EIF5B: variants seen among roughly 807,000 people sequenced by gnomAD.
EIF5B encodes the protein eukaryotic translation initiation factor 5B.
Under a neutral mutation model 147.5 loss-of-function variants are expected in EIF5B, and 47 were observed. The observed-to-expected ratio is 0.32, with a 90% confidence interval of 0.25 to 0.41. The LOEUF (loss-of-function observed/expected upper bound fraction) is 0.41, where lower values mean the gene tolerates loss of function less well. Ranked by LOEUF, EIF5B falls within the 10% of genes least tolerant of loss-of-function variation. The pLI, the probability that EIF5B is intolerant of heterozygous loss-of-function variation, is 1.00. For missense variants in EIF5B, 1,064 were observed against 1,413.2 expected (o/e 0.75, Z 3.96); for synonymous variants, 455 against 456.2 (o/e 1.00, Z 0.03).
intron 21 of EIF5B, among the ~76,000 whole-genome samples, chr2:99,396,522 AGAG>A (rs1348877616): frequency 3.9e-5 from 6 of 152,208 alleles, no homozygotes; most frequent in African/African-American, 1.4e-4. Flanking sequence ...GGGCTTTAAA[AGAG>A]AAGAAAGCAA....
At chr2:99,344,430 T>C (rs2094268055) in intron 1 of EIF5B, among the ~76,000 whole-genome samples, 1 of 141,844 alleles carries the variant, frequency 7.1e-6, no homozygotes, top group Non-Finnish European at 1.6e-5. Context: ...TTGTTGTTGT[T>C]GTTGTTTCTG....
At chr2:99,351,518 A>G (rs1054263159) in intron 1 of EIF5B, among the ~76,000 whole-genome samples, 7 of 152,182 alleles carry the variant, frequency 4.6e-5, no homozygotes, top group Admixed American at 3.9e-4. Flanking sequence ...TGGTAAGTGT[A>G]TATTTAACAA....
intron 1 of EIF5B, among the ~76,000 whole-genome samples, chr2:99,351,270 G>A (rs763118092): frequency 1.2e-4 from 19 of 152,206 alleles, no homozygotes; most frequent in Non-Finnish European, 2.5e-4. Context: ...CTATGTTAGT[G>A]CTTGTAGCAT....
chr2:99,354,307 G>C (rs1017301586), intron 1 of EIF5B, among the ~76,000 whole-genome samples: 6 of 152,182 alleles, frequency 3.9e-5, no homozygotes, highest in Non-Finnish European at 7.3e-5. Context: ...CTAATGATGT[G>C]AACATTTATT....
intron 1 of EIF5B, among the ~76,000 whole-genome samples, chr2:99,346,089 A>T (rs997863021): frequency 6.6e-6 from 1 of 152,154 alleles, no homozygotes; most frequent in Admixed American, 6.6e-5. Flanking sequence ...GTATGAGAGT[A>T]CCACCCTCGA....
chr2:99,346,126 T>C lies in EIF5B; in HGVS notation c.35+8537T>C, dbSNP rs544734617. On this transcript the variant is annotated intron_variant, in intron 1 of 23. Coordinates refer to ENST00000289371, the MANE Select transcript of EIF5B (RefSeq NM_015904.4). Reference sequence around the variant, plus strand: ...ATTTCACATTTGCCTCTTAAAGTTATTGTTTATGCATCTTTAAAATCCTTT... The same window carrying C: ...ATTTCACATTTGCCTCTTAAAGTTACTGTTTATGCATCTTTAAAATCCTTT... Among the ~76,000 whole-genome samples the C allele has an allele frequency of 3.9e-5, 6 of 152,302 alleles. No individual in the cohort carries two copies. The South Asian group carries it at 1.2e-3, about 32-fold the overall frequency.
intron 8 of EIF5B, among the ~76,000 whole-genome samples, chr2:99,370,224 T>A (rs779190537): frequency 2.0e-5 from 3 of 152,020 alleles, no homozygotes; most frequent in Non-Finnish European, 2.9e-5. Flanking sequence ...GGGGTATCTG[T>A]GTATATGTTG....
chr2:99,353,226 G>A (rs972172891), intron 1 of EIF5B, among the ~76,000 whole-genome samples: 4 of 151,986 alleles, frequency 2.6e-5, no homozygotes, highest in African/African-American at 9.7e-5. Flanking sequence ...TATTGGCCAG[G>A]CTGGTCTCAA....
intron 8 of EIF5B, among the ~76,000 whole-genome samples, chr2:99,370,790 G>C (rs1439781041): frequency 5.3e-5 from 8 of 152,204 alleles, no homozygotes; most frequent in Admixed American, 5.2e-4. Flanking sequence ...TTGTTAAGAA[G>C]AGTATTAGGT....
intron 12 of EIF5B, among the ~76,000 whole-genome samples, chr2:99,381,866 G>A (rs995456779): frequency 3.9e-5 from 6 of 152,086 alleles, no homozygotes; most frequent in East Asian, 1.9e-4. Flanking sequence ...ACTGCCCTGC[G>A]ATTCGTATCA....
rs1674455930 is a variant in EIF5B at position 99,371,739 on chromosome 2, C to T, written c.1552+9C>T. ...TGAGGAGACAGAAAAAGGTGAATAC[C>T]TCATAAGCACACACTGATACATCCA... On this transcript the variant is annotated intron_variant, in intron 9 of 23. Transcript: ENST00000289371. 1.2e-6 allele frequency: 2 copies of T among 1,609,304 alleles called. No homozygotes were observed. The highest frequency in any genetic ancestry group is 8.5e-7 in the Non-Finnish European group (1 of 1,177,496).
At chr2:99,370,470 G>A (rs897276947) in intron 8 of EIF5B, among the ~76,000 whole-genome samples, 1 of 152,100 alleles carries the variant, frequency 6.6e-6, no homozygotes, top group Non-Finnish European at 1.5e-5. Flanking sequence ...TTTCTCTTCT[G>A]AGCGAATAGG....
intron 9 of EIF5B, among the ~76,000 whole-genome samples, chr2:99,375,340 A>G (rs1387027938): frequency 2.0e-5 from 3 of 152,186 alleles, no homozygotes; most frequent in African/African-American, 7.2e-5. Context: ...TACCTGAGTG[A>G]ACTAGCAATA....
chr2:99,376,464 G>A lies in EIF5B; in HGVS notation c.1670G>A (p.Ser557Asn). ...SEEEEEEEGE[S>N]EGSEGDEEDE... ...GAAGAGGAGGAAGAGGAGGGAGAAA[G>A]TGAAGGCAGTGAAGGTGATGAGGAA... The change falls in exon 10 of 24, where the codon AGT (serine) becomes AAT (asparagine). Residue 557 changes from serine (S) to asparagine (N), a missense_variant. Physicochemically the swap from Ser to Asn is conservative, Grantham distance 46. Transcript: ENST00000289371. The A allele has an allele frequency of 3.7e-6, 6 of 1,605,708 alleles. No individual in the cohort carries two copies. The highest frequency in any genetic ancestry group is 5.1e-6 in the Non-Finnish European group (6 of 1,172,566).
chr2:99,353,014 T>G (rs1349480628), intron 1 of EIF5B, among the ~76,000 whole-genome samples: 23 of 113,566 alleles, frequency 2.0e-4, no homozygotes, highest in South Asian at 3.4e-4. Flanking sequence ...TCTTTTTTTT[T>G]TTTTTTTTTT....
Position 99,394,385 on chromosome 2 carries a change from C to T in EIF5B, c.2999C>T (p.Thr1000Ile), listed in dbSNP as rs752599811. 6.2e-7 allele frequency: 1 copy of T among 1,613,912 alleles called. No individual in the cohort carries two copies. The highest frequency in any genetic ancestry group is 8.5e-7 in the Non-Finnish European group (1 of 1,179,986). ...SLEALLEFLKTSEVPYAGINI... is the reference protein window; with the variant it reads ...SLEALLEFLKISEVPYAGINI... ...GAAGCTCTACTGGAATTTCTGAAAA[C>T]ATCAGAAGTGCCCGTAAGTAACTAC... is the stretch of plus-strand genomic sequence containing the variant. Residue 1000 changes from threonine to isoleucine, a missense_variant, in exon 19 of 24, where the codon ACA becomes ATA. Thr to Ile is a moderately conservative substitution (Grantham distance 89). This residue lies in a region of EIF5B where 380 missense variants were observed against 715.6 expected (regional missense o/e 0.53). Transcript: ENST00000289371.
chr2:99,390,169 C>T (rs1425337169), intron 15 of EIF5B, 50 bp from the exon 16 acceptor site: 9 of 1,605,096 alleles, frequency 5.6e-6, no homozygotes, highest in Non-Finnish European at 6.8e-6. Context: ...ACACCTATTC[C>T]AGATACGTTT....
intron 14 of EIF5B, among the ~76,000 whole-genome samples, chr2:99,387,823 T>G (rs1427869719): frequency 6.6e-6 from 1 of 152,190 alleles, no homozygotes; most frequent in Non-Finnish European, 1.5e-5. Flanking sequence ...TTTACCATTT[T>G]TAAAAATTAT....
chr2:99,358,427 C>T (rs2105343128), intron 1 of EIF5B, among the ~76,000 whole-genome samples: 1 of 152,260 alleles, frequency 6.6e-6, no homozygotes, highest in South Asian at 2.1e-4. Context: ...AATCAGACTT[C>T]CTGGATTCAA....
Sources: gnomAD v4.1 joint callset for allele counts (sites outside exome capture counted in the v4.1 genomes callset) on GRCh38, gnomAD v4.1.1 for gene constraint, gnomAD v4.1.1 regional missense constraint, MANE v1.5 for transcripts, NCBI Gene and HGNC (gene_info 2026-07-23, HGNC 2026-07-21) for gene names.